PSMA8: variants seen among roughly 807,000 people sequenced by gnomAD.
The protein encoded by PSMA8 is proteasome 20S subunit alpha 8, also known as proteasome subunit alpha-type 8.
In PSMA8, 18 loss-of-function variants were observed where a neutral mutation model predicts 32.4. The ratio of observed to expected loss-of-function variants is 0.56; its 90% CI spans 0.38 to 0.82. The LOEUF (loss-of-function observed/expected upper bound fraction) is 0.82, where lower values mean the gene tolerates loss of function less well. PSMA8 is among the 40% of genes least tolerant of loss of function. The pLI is 0.00. For synonymous variants in PSMA8, 104 were observed against 98.1 expected (o/e 1.06, Z -0.36); for missense variants, 298 against 300.7 (o/e 0.99, Z 0.07).
chr18:26,164,146 C>T (rs2055159790), intron 4 of PSMA8, among the ~76,000 whole-genome samples: 1 of 152,110 alleles, frequency 6.6e-6, no homozygotes, highest in Non-Finnish European at 1.5e-5. Flanking sequence ...GAAAGCATGA[C>T]TGGAGTGGAT....
chr18:26,189,267 C>T (rs2055382790), intron 6 of PSMA8, among the ~76,000 whole-genome samples: 1 of 152,166 alleles, frequency 6.6e-6, no homozygotes, highest in Admixed American at 6.5e-5. Flanking sequence ...TGAGCTCTTG[C>T]TTGTAATCCC....
intron 1 of PSMA8, among the ~76,000 whole-genome samples, chr18:26,138,623 C>T (rs1311490528): frequency 6.6e-6 from 1 of 151,944 alleles, no homozygotes; most frequent in Non-Finnish European, 1.5e-5. Context: ...TTTTATTTTC[C>T]AAATATTTCT....
At chr18:26,147,600 A>G (rs1175712332) in intron 2 of PSMA8, among the ~76,000 whole-genome samples, 3 of 152,300 alleles carry the variant, frequency 2.0e-5, no homozygotes, top group South Asian at 2.1e-4. Context: ...TAAATCCCTG[A>G]TGACTCTTTC....
At chr18:26,141,379 A>T (rs927652089) in intron 1 of PSMA8, among the ~76,000 whole-genome samples, 1 of 152,152 alleles carries the variant, frequency 6.6e-6, no homozygotes, top group Non-Finnish European at 1.5e-5. Flanking sequence ...TAATTTCTTT[A>T]CTAAGTCAAA....
At chr18:26,146,294 C>T (rs1201373272) in intron 2 of PSMA8, among the ~76,000 whole-genome samples, 4 of 150,968 alleles carry the variant, frequency 2.6e-5, no homozygotes, top group African/African-American at 9.8e-5. Flanking sequence ...CTCAGGAGGT[C>T]GAGGCAGGAG....
chr18:26,176,961 A>C (rs1360310299), intron 4 of PSMA8, among the ~76,000 whole-genome samples: 3 of 152,026 alleles, frequency 2.0e-5, no homozygotes, highest in African/African-American at 7.2e-5. Context: ...TAATAATACT[A>C]AACAGTTATA....
intron 6 of PSMA8, among the ~76,000 whole-genome samples, chr18:26,182,774 G>C (rs143795214): frequency 3.7e-4 from 57 of 152,238 alleles, no homozygotes; most frequent in Non-Finnish European, 6.8e-4. Context: ...AGATCAGCCT[G>C]GGCAACATAG....
At chr18:26,154,895 G>T (rs928213355) in intron 3 of PSMA8, among the ~76,000 whole-genome samples, 2 of 151,960 alleles carry the variant, frequency 1.3e-5, no homozygotes, top group Non-Finnish European at 2.9e-5. Context: ...GATTACAGGC[G>T]TGAGCCACCA....
chr18:26,160,608 T>A (rs1311118577), intron 4 of PSMA8, among the ~76,000 whole-genome samples: 1 of 152,226 alleles, frequency 6.6e-6, no homozygotes, highest in Admixed American at 6.5e-5. Flanking sequence ...TGACATACTA[T>A]ACCAAGTAAC....
At chr18:26,151,299 C>G (rs1415882373) in intron 2 of PSMA8, among the ~76,000 whole-genome samples, 1 of 152,130 alleles carries the variant, frequency 6.6e-6, no homozygotes, top group Non-Finnish European at 1.5e-5. Flanking sequence ...AGTCAAATGC[C>G]AAAGTTTAAT....
chr18:26,157,669 G>A (rs971417857), intron 3 of PSMA8, among the ~76,000 whole-genome samples: 1 of 152,100 alleles, frequency 6.6e-6, no homozygotes, highest in African/African-American at 2.4e-5. Context: ...AGTATATAGT[G>A]AACAGAATGT....
intron 4 of PSMA8, among the ~76,000 whole-genome samples, 197 bp from the exon 5 acceptor site, chr18:26,178,633 A>G (rs2055283399): frequency 6.6e-6 from 1 of 152,204 alleles, no homozygotes; most frequent in South Asian, 2.1e-4. Context: ...AATAAAAACC[A>G]TGCCACCATT....
At chr18:26,159,312 G>A (rs1192191304) in intron 4 of PSMA8, among the ~76,000 whole-genome samples, 1 of 152,164 alleles carries the variant, frequency 6.6e-6, no homozygotes, top group Admixed American at 6.5e-5. Flanking sequence ...CAGTAAAGCA[G>A]TGGATTATTC....
At chr18:26,178,762 C>T (rs1040335234) in intron 4 of PSMA8, 68 bp from the exon 5 acceptor site, 5 of 1,444,450 alleles carry the variant, frequency 3.5e-6, no homozygotes, top group Non-Finnish European at 4.8e-6. Flanking sequence ...AACCTCTAAA[C>T]TTTACTTAGT....
Position 26,144,014 on chromosome 18 carries a change from G to A in PSMA8, c.103-545G>A, listed in dbSNP as rs556177514. ...TAGGATTATAGTGCTGTGAGCCACC[G>A]TGCCCAGCCTTATCATACTTGTTTT... is the stretch of plus-strand genomic sequence containing the variant. On this transcript the variant is annotated intron_variant, in intron 1 of 6. Coordinates refer to ENST00000415576, the MANE Select transcript of PSMA8 (RefSeq NM_001025096.2). Among the ~76,000 whole-genome samples, 232 of 152,176 alleles carry A rather than the reference G, an allele frequency of 1.5e-3. 1 individual carries two copies. The highest frequency in any genetic ancestry group is 5.5e-3 in the African/African-American group (227 of 41,514).
At chr18:26,179,208 A>G in intron 6 of PSMA8, 78 bp downstream of exon 6, 1 of 1,043,516 alleles carries the variant, frequency 9.6e-7, no homozygotes, top group Non-Finnish European at 1.5e-6. Flanking sequence ...GTTGGCCTCT[A>G]GGCTTCCGAT....
Position 26,183,024 on chromosome 18 carries a change from G to GCA in PSMA8, c.660+3894_660+3895insCA, listed in dbSNP as rs1310711926. The stretch of plus-strand genomic sequence containing the variant: ...GGAGAATTGCTTGAACCCAGGAGTT[G>GCA]GAGGTTGCAATGAGCCAAGATCATG... On this transcript the variant is annotated intron_variant, in intron 6 of 6. Coordinates refer to ENST00000415576, the MANE Select transcript of PSMA8 (RefSeq NM_001025096.2). 8.8e-3 allele frequency among the ~76,000 whole-genome samples: 1,228 copies of GCA among 139,632 alleles called. 5 individuals are homozygous for GCA. The highest frequency in any genetic ancestry group is 0.019 in the East Asian group (82 of 4,296). The allele number at this position is 139,632 out of a possible 152,430, so 91.6% of individuals were successfully genotyped here.
intron 4 of PSMA8, among the ~76,000 whole-genome samples, chr18:26,168,563 T>C (rs1598660619): frequency 1.7e-5 from 2 of 119,806 alleles, no homozygotes; most frequent in East Asian, 5.0e-4. Context: ...AATCTGGCAA[T>C]AAGTTATTAT....
intron 6 of PSMA8, among the ~76,000 whole-genome samples, chr18:26,182,857 G>A (rs369882766): frequency 1.3e-5 from 2 of 150,478 alleles, no homozygotes; most frequent in African/African-American, 2.4e-5. Context: ...TTGGGAGGCC[G>A]GAGGCAGGTG....
Sources: gnomAD v4.1 joint callset for allele counts (sites outside exome capture counted in the v4.1 genomes callset) on GRCh38, gnomAD v4.1.1 for gene constraint, MANE v1.5 for transcripts, NCBI Gene and HGNC (gene_info 2026-07-23, HGNC 2026-07-21) for gene names.